Variants in CNTN5 observed in about 807,000 individuals in gnomAD.
The protein encoded by CNTN5 is contactin-5.
A neutral mutation model predicts 129.1 loss-of-function variants in CNTN5; 77 were observed. The ratio of observed to expected loss-of-function variants is 0.60; its 90% CI spans 0.50 to 0.72. CNTN5 has a LOEUF of 0.72. Ranked by LOEUF, CNTN5 falls within the 30% of genes least tolerant of loss-of-function variation. The pLI is 0.00. For synonymous variants in CNTN5, 509 were observed against 465.6 expected (o/e 1.09, Z -1.20); for missense variants, 1,478 against 1,328.8 (o/e 1.11, Z -1.75).
chr11:99,940,943 A>C (rs919963189), intron 7 of CNTN5, among the ~76,000 whole-genome samples: 8 of 152,256 alleles, frequency 5.3e-5, no homozygotes, highest in Middle Eastern at 6.8e-3. Context: ...TGAAAAAACA[A>C]GGATGGCATG....
chr11:99,508,561 C>T (rs1485009073), intron 2 of CNTN5, among the ~76,000 whole-genome samples: 1 of 152,032 alleles, frequency 6.6e-6, no homozygotes, highest in Non-Finnish European at 1.5e-5. Context: ...AGCCCTTCCT[C>T]AATGGATAAT....
chr11:100,037,619 A>G (rs1326651685), intron 9 of CNTN5, among the ~76,000 whole-genome samples: 1 of 151,972 alleles, frequency 6.6e-6, no homozygotes, highest in African/African-American at 2.4e-5. Flanking sequence ...TGCTTGGTAA[A>G]CTATTGATTA....
intron 9 of CNTN5, among the ~76,000 whole-genome samples, chr11:100,011,256 A>G (rs1317093348): frequency 6.6e-6 from 1 of 152,120 alleles, no homozygotes; most frequent in African/African-American, 2.4e-5. Flanking sequence ...AAAGAGCACT[A>G]GATATGTCAA....
intron 3 of CNTN5, among the ~76,000 whole-genome samples, chr11:99,746,086 G>A (rs760745089): frequency 4.6e-5 from 7 of 152,304 alleles, no homozygotes; most frequent in Non-Finnish European, 8.8e-5. Flanking sequence ...TTGCCTGCAA[G>A]TATTTTAGTT....
At chr11:99,682,874 A>C (rs1050334489) in intron 3 of CNTN5, among the ~76,000 whole-genome samples, 2 of 151,992 alleles carry the variant, frequency 1.3e-5, no homozygotes, top group African/African-American at 4.8e-5. Flanking sequence ...GCCACAGTTC[A>C]TAAGTTACAT....
intron 3 of CNTN5, among the ~76,000 whole-genome samples, chr11:99,744,006 C>T (rs1322961706): frequency 9.2e-5 from 14 of 152,114 alleles, no homozygotes; most frequent in African/African-American, 3.4e-4. Flanking sequence ...CCCATCAAAA[C>T]CAGTATGCAA....
chr11:99,444,200 A>AAAAG (rs1943962261), intron 2 of CNTN5, among the ~76,000 whole-genome samples: 1 of 152,116 alleles, frequency 6.6e-6, no homozygotes, highest in Non-Finnish European at 1.5e-5. Flanking sequence ...CTCTGTCTCA[A>AAAAG]AAAGAAAGAG....
intron 1 of CNTN5, among the ~76,000 whole-genome samples, chr11:99,029,032 A>T (rs1435022250): frequency 1.3e-5 from 2 of 151,900 alleles, no homozygotes; most frequent in Non-Finnish European, 2.9e-5. Context: ...TATTAGCTGT[A>T]TAATTTTGGA....
chr11:99,253,753 C>T (rs754154571), intron 1 of CNTN5, among the ~76,000 whole-genome samples: 2 of 151,556 alleles, frequency 1.3e-5, no homozygotes, highest in Non-Finnish European at 2.9e-5. Flanking sequence ...TGTTTTCACA[C>T]TCGTTCCTCG....
rs375586077 is a variant in CNTN5 at position 99,226,152 on chromosome 11, T to C, written c.-209-99194T>C. ...AGTGGTTTTAAAATATGGCTATATC[T>C]CTTAAAAGGGCCTTAGGCTCTGGCA... On this transcript the variant is annotated intron_variant, in intron 1 of 24. Coordinates refer to ENST00000524871, the MANE Select transcript of CNTN5 (RefSeq NM_014361.4). Among the ~76,000 whole-genome samples the C allele has an allele frequency of 2.6e-4, 39 of 152,258 alleles. No individual in the cohort carries two copies. In the East Asian group the frequency reaches 3.1e-3, roughly 12 times the overall value.
intron 6 of CNTN5, among the ~76,000 whole-genome samples, chr11:99,865,148 T>A (rs576389484): frequency 6.6e-6 from 1 of 152,310 alleles, no homozygotes; most frequent in East Asian, 1.9e-4. Context: ...AATGTCAACT[T>A]TTCTTTTGCA....
chr11:100,022,531 G>A (rs926370581), intron 9 of CNTN5, among the ~76,000 whole-genome samples: 2 of 152,110 alleles, frequency 1.3e-5, no homozygotes, highest in African/African-American at 4.8e-5. Context: ...GATACTATTT[G>A]TTTGACTTTA....
At chr11:100,223,471 A>T (rs7926455) in intron 15 of CNTN5, among the ~76,000 whole-genome samples, 1 of 152,098 alleles carries the variant, frequency 6.6e-6, no homozygotes, top group Non-Finnish European at 1.5e-5. Context: ...AATTCAAAAG[A>T]TATCTGGAAA....
intron 2 of CNTN5, among the ~76,000 whole-genome samples, chr11:99,343,798 A>G (rs906869298): frequency 6.6e-6 from 1 of 152,210 alleles, no homozygotes; most frequent in African/African-American, 2.4e-5. Flanking sequence ...ATATAAATCA[A>G]TCAGATACTA....
At chr11:100,060,588 G>A (rs987907469) in intron 9 of CNTN5, among the ~76,000 whole-genome samples, 4 of 150,800 alleles carry the variant, frequency 2.7e-5, no homozygotes, top group Admixed American at 6.6e-5. Context: ...ATATATGTTA[G>A]TAATTTTGCC....
rs769061773 is a variant in CNTN5, at chr11:100,061,302, G to A, written c.1071G>A (p.Pro357=). The A allele has an allele frequency of 9.3e-6, 15 of 1,613,520 alleles. No individual in the cohort carries two copies. Among genetic ancestry groups the A allele is most frequent in the Admixed American group, 1.7e-5 (1 of 59,990 alleles). ...AATCTCAGGCGGTGCTGGAAATACC[G>A]AATGTACAGCTGGATGATGCAGGCA... ...LRKSQAVLEI[P]NVQLDDAGIY... The change falls in exon 10 of 25, where the codon CCG becomes CCA. Residue 357 remains proline (P), a synonymous_variant. Coordinates refer to ENST00000524871, the MANE Select transcript of CNTN5 (RefSeq NM_014361.4).
At chr11:100,339,782 C>A (rs888386554) in intron 21 of CNTN5, among the ~76,000 whole-genome samples, 3 of 152,146 alleles carry the variant, frequency 2.0e-5, no homozygotes, top group African/African-American at 7.2e-5. Flanking sequence ...AAATCTTTAG[C>A]TTAATTGTGG....
intron 1 of CNTN5, among the ~76,000 whole-genome samples, chr11:99,165,811 A>G (rs12274594): frequency 6.6e-6 from 1 of 152,022 alleles, no homozygotes; most frequent in Non-Finnish European, 1.5e-5. Context: ...ATTTTCTTAG[A>G]AGCTTCCTAG....
At chr11:99,623,862 A>G (rs186443852) in intron 3 of CNTN5, among the ~76,000 whole-genome samples, 8 of 152,142 alleles carry the variant, frequency 5.3e-5, no homozygotes, top group Admixed American at 3.9e-4. Flanking sequence ...ATAGCTATCA[A>G]AACCTTTGTT....
Sources: allele counts gnomAD v4.1 joint callset (sites outside exome capture counted in the v4.1 genomes callset), GRCh38; gene constraint gnomAD v4.1.1; transcripts MANE v1.5; gene names NCBI Gene and HGNC (gene_info 2026-07-23, HGNC 2026-07-21).